The following ZNF385D variants were observed in gnomAD, a reference collection of about 807,000 sequenced individuals.
ZNF385D encodes zinc finger protein 659.
ZNF385D carries 15 observed loss-of-function variants against 35.8 expected under a neutral mutation model. The ratio of observed to expected loss-of-function variants is 0.42; its 90% CI spans 0.28 to 0.64. The LOEUF is 0.64. Ranked by LOEUF, ZNF385D falls within the 30% of genes least tolerant of loss-of-function variation. The probability of loss-of-function intolerance (pLI) is 0.23; values close to 1 mark genes in which losing one functional copy is unlikely to be tolerated. For synonymous variants in ZNF385D, 212 were observed against 186.8 expected (o/e 1.13, Z -1.10); for missense variants, 474 against 494.6 (o/e 0.96, Z 0.39).
At chr3:22,266,157 C>T (rs1559487922) in intron 2 of ZNF385D, among the ~76,000 whole-genome samples, 1 of 151,934 alleles carries the variant, frequency 6.6e-6, no homozygotes, top group East Asian at 1.9e-4. Context: ...TAAAGAATTA[C>T]TCTTTCCATT....
chr3:22,319,851 T>C (rs756589068), intron 2 of ZNF385D, among the ~76,000 whole-genome samples: 7 of 151,632 alleles, frequency 4.6e-5, no homozygotes, highest in Non-Finnish European at 7.4e-5. Flanking sequence ...CTTCTGAAAA[T>C]TTTTTTTTAA....
chr3:21,605,029 T>A (rs2064434785), intron 2 of ZNF385D, among the ~76,000 whole-genome samples: 1 of 152,196 alleles, frequency 6.6e-6, no homozygotes, highest in South Asian at 2.1e-4. Context: ...GAATGAAAGA[T>A]TCTGAAGTGT....
intron 2 of ZNF385D, among the ~76,000 whole-genome samples, chr3:21,578,265 C>T (rs925141315): frequency 5.3e-5 from 8 of 152,146 alleles, no homozygotes; most frequent in African/African-American, 1.9e-4. Context: ...TATTTTCCTT[C>T]ACTCTACAGG....
chr3:21,684,404 C>CTCTT (rs1211451693), intron 1 of ZNF385D, among the ~76,000 whole-genome samples: 1 of 70,668 alleles, frequency 1.4e-5, no homozygotes, highest in Admixed American at 1.8e-4. Flanking sequence ...CTCTCTCTCT[C>CTCTT]CTCTCTCTCT....
At chr3:22,208,851 G>A (rs1013819062) in intron 2 of ZNF385D, among the ~76,000 whole-genome samples, 2 of 151,884 alleles carry the variant, frequency 1.3e-5, no homozygotes, top group African/African-American at 4.8e-5. Context: ...GAATAGAATT[G>A]AGTCATAGTC....
intron 2 of ZNF385D, among the ~76,000 whole-genome samples, chr3:22,311,305 T>C (rs1703535022): frequency 6.6e-6 from 1 of 152,036 alleles, no homozygotes; most frequent in African/African-American, 2.4e-5. Flanking sequence ...AACGGTAATT[T>C]GATTTTATGT....
At chr3:21,827,075 T>C (rs1694689209) in intron 3 of ZNF385D, among the ~76,000 whole-genome samples, 1 of 152,200 alleles carries the variant, frequency 6.6e-6, no homozygotes, top group Non-Finnish European at 1.5e-5. Context: ...GAGAGTCTAA[T>C]AAATACCTAT....
intron 4 of ZNF385D, among the ~76,000 whole-genome samples, chr3:21,497,480 T>G (rs1445807202): frequency 6.6e-6 from 1 of 152,214 alleles, no homozygotes; most frequent in African/African-American, 2.4e-5. Context: ...CCAAAACAAT[T>G]GATAGATTCA....
intron 1 of ZNF385D, among the ~76,000 whole-genome samples, chr3:21,739,713 A>G (rs771401980): frequency 7.9e-5 from 12 of 152,188 alleles, no homozygotes; most frequent in Non-Finnish European, 1.0e-4. Flanking sequence ...TTGTACAGAG[A>G]TGATGCAATA....
intron 2 of ZNF385D, among the ~76,000 whole-genome samples, chr3:22,183,516 C>T (rs1200098851): frequency 1.3e-5 from 2 of 151,992 alleles, no homozygotes; most frequent in African/African-American, 4.8e-5. Flanking sequence ...CACCACCATG[C>T]CCAGCTAATT....
intron 3 of ZNF385D, among the ~76,000 whole-genome samples, chr3:21,988,757 C>T (rs1694967990): frequency 6.6e-6 from 1 of 151,738 alleles, no homozygotes; most frequent in South Asian, 2.1e-4. Context: ...GGCGGGCGCC[C>T]CTCCCCCAGC....
chr3:22,034,192 A>T (rs763932700), intron 3 of ZNF385D, among the ~76,000 whole-genome samples: 1 of 152,180 alleles, frequency 6.6e-6, no homozygotes, highest in Non-Finnish European at 1.5e-5. Flanking sequence ...TTGGGAGATT[A>T]GAATTAGATG....
At chr3:21,512,780 C>CT (rs913127558) in intron 3 of ZNF385D, among the ~76,000 whole-genome samples, 12 of 151,900 alleles carry the variant, frequency 7.9e-5, no homozygotes, top group Admixed American at 5.3e-4. Context: ...AAAATTTTGT[C>CT]TTTTTTTTCC....
chr3:22,360,736 G>C (rs1261238443), intron 2 of ZNF385D, among the ~76,000 whole-genome samples: 1 of 151,936 alleles, frequency 6.6e-6, no homozygotes, highest in African/African-American at 2.4e-5. Flanking sequence ...TCACTCCTCT[G>C]TTCATGCTTT....
chr3:21,643,762 G>A (rs1451389794), intron 2 of ZNF385D, among the ~76,000 whole-genome samples: 2 of 152,112 alleles, frequency 1.3e-5, no homozygotes, highest in African/African-American at 4.8e-5. Context: ...GATCCGCCGA[G>A]ACCCTGTGGT....
chr3:21,916,159 T>C (rs1437844307), intron 3 of ZNF385D, among the ~76,000 whole-genome samples: 3 of 152,146 alleles, frequency 2.0e-5, no homozygotes, highest in African/African-American at 7.2e-5. Context: ...AAAAACTCTA[T>C]AGGTCATATT....
intron 2 of ZNF385D, among the ~76,000 whole-genome samples, chr3:22,269,594 A>T (rs1416261563): frequency 6.6e-6 from 1 of 151,990 alleles, no homozygotes; most frequent in Non-Finnish European, 1.5e-5. Flanking sequence ...GATATAAATG[A>T]TACTCCAAGA....
intron 3 of ZNF385D, among the ~76,000 whole-genome samples, chr3:22,060,382 A>G (rs1170088302): frequency 6.6e-6 from 1 of 152,218 alleles, no homozygotes; most frequent in East Asian, 1.9e-4. Context: ...ACTAAATTCA[A>G]AGTGAATTTC....
intron 2 of ZNF385D, among the ~76,000 whole-genome samples, chr3:22,270,354 A>C (rs1701109196): frequency 6.6e-6 from 1 of 151,922 alleles, no homozygotes; most frequent in African/African-American, 2.4e-5. Flanking sequence ...TTTCATATAC[A>C]GCTTTTGACC....
Sources: gnomAD v4.1 joint callset for allele counts (sites outside exome capture counted in the v4.1 genomes callset) on GRCh38, gnomAD v4.1.1 for gene constraint, MANE v1.5 for transcripts, NCBI Gene and HGNC (gene_info 2026-07-23, HGNC 2026-07-21) for gene names.